The following TOLLIP variants were observed in gnomAD, a reference collection of about 807,000 sequenced individuals.
TOLLIP encodes the protein toll-interacting protein.
Under a neutral mutation model 33.5 loss-of-function variants are expected in TOLLIP, and 16 were observed. The ratio of observed to expected loss-of-function variants is 0.48; its 90% CI spans 0.32 to 0.72. The LOEUF (loss-of-function observed/expected upper bound fraction) is 0.72. Ranked by LOEUF, TOLLIP falls within the 30% of genes least tolerant of loss-of-function variation. The probability of loss-of-function intolerance (pLI) is 0.03; values close to 1 mark genes in which losing one functional copy is unlikely to be tolerated. For synonymous variants in TOLLIP, 176 were observed against 163.7 expected, an observed-to-expected ratio of 1.07 and a Z score of -0.57; for missense variants, 325 against 396.6, an observed-to-expected ratio of 0.82 and a Z score of 1.53.
chr11:1,301,717 C>T (rs569473532), intron 1 of TOLLIP, among the ~76,000 whole-genome samples: 1 of 152,204 alleles, frequency 6.6e-6, no homozygotes, highest in Non-Finnish European at 1.5e-5. Flanking sequence ...AACTCTGTAC[C>T]CTGAGCCCTA....
chr11:1,288,717 C>G lies in TOLLIP; in HGVS notation c.426G>C (p.Leu142=), dbSNP rs1315917340. 1 of 1,613,004 alleles carries G rather than the reference C, an allele frequency of 6.2e-7. No homozygotes were observed. ...ACTTGTCCTCCACCTTGCCCTGCCT[C>G]AGGGACTCCGGGATGGTGATGTGGG... is the stretch of plus-strand genomic sequence containing the variant. The part of the protein sequence containing the change: ...AWTHITIPES[L]RQGKVEDKWY... The change falls in exon 4 of 6, where the codon CTG becomes CTC. Residue 142 remains leucine, a synonymous_variant. Transcript: ENST00000317204.
At chr11:1,285,773 A>G (rs913800467) in intron 5 of TOLLIP, among the ~76,000 whole-genome samples, 3 of 138,834 alleles carry the variant, frequency 2.2e-5, no homozygotes, top group Admixed American at 7.0e-5. Flanking sequence ...CAACAATTAG[A>G]AAAAAAAAAA....
chr11:1,297,448 G>C (rs888050942), intron 1 of TOLLIP, among the ~76,000 whole-genome samples: 1 of 152,220 alleles, frequency 6.6e-6, no homozygotes, highest in Non-Finnish European at 1.5e-5. Flanking sequence ...GCACCGCTTC[G>C]AGCAGTTACG....
chr11:1,276,561 G>T lies in TOLLIP; in HGVS notation c.*478C>A, dbSNP rs186644202. 1.2e-6 allele frequency: 1 copy of T among 868,754 alleles called. No homozygotes were observed. The highest frequency in any genetic ancestry group is 1.6e-6 in the Non-Finnish European group (1 of 626,830). The allele number at this position is 868,754 out of a possible 1,614,324, so 53.8% of individuals were successfully genotyped here. On this transcript the variant is annotated 3_prime_UTR_variant, in exon 6 of 6. Transcript: ENST00000317204. ...AGGGGCCAGGCTCACAGCAAAGCGC[G>T]TTAGGGCAAGGGCGTGAGTTTTCGT...
At position 1,288,693 on chromosome 11, in the gene TOLLIP, C is replaced by G; in HGVS notation, c.450G>C (p.Lys150Asn). 1 of 1,612,984 alleles carries G rather than the reference C, an allele frequency of 6.2e-7. No individual in the cohort carries two copies. The highest frequency in any genetic ancestry group is 1.1e-5 in the South Asian group (1 of 91,086). The change falls in exon 4 of 6, where the codon AAG (lysine) becomes AAC (asparagine). Residue 150 changes from lysine (K) to asparagine (N), a missense_variant. Coordinates refer to ENST00000317204, the MANE Select transcript of TOLLIP (RefSeq NM_019009.4). ...ESLRQGKVED[K>N]WYSLSGRQGD... ...CCTGCCTCCCGCTCAGGCTGTACCA[C>G]TTGTCCTCCACCTTGCCCTGCCTCA...
intron 5 of TOLLIP, among the ~76,000 whole-genome samples, chr11:1,283,078 G>C (rs965788192): frequency 1.3e-5 from 2 of 152,232 alleles, no homozygotes; most frequent in African/African-American, 4.8e-5. Context: ...TTAGTTCCCG[G>C]GGAACAGCCA....
intron 1 of TOLLIP, among the ~76,000 whole-genome samples, chr11:1,308,112 G>A (rs1864466384): frequency 6.6e-6 from 1 of 152,206 alleles, no homozygotes; most frequent in South Asian, 2.1e-4. Flanking sequence ...ACGACAGCCT[G>A]CCCCAGCCCA....
chr11:1,285,899 G>T, intron 5 of TOLLIP, 103 bp downstream of exon 5: 1 of 789,752 alleles, frequency 1.3e-6, no homozygotes, highest in Non-Finnish European at 2.0e-6. Context: ...AATGGATGAC[G>T]TCCCCACCCC....
At chr11:1,296,467 G>A (rs1436606133) in intron 1 of TOLLIP, among the ~76,000 whole-genome samples, 8 of 152,232 alleles carry the variant, frequency 5.3e-5, no homozygotes, top group Admixed American at 4.6e-4. Flanking sequence ...TGCAGCGGCC[G>A]AAGGGGCCTG....
chr11:1,282,979 C>T (rs1278327057), intron 5 of TOLLIP, among the ~76,000 whole-genome samples: 1 of 152,042 alleles, frequency 6.6e-6, no homozygotes. Context: ...ATTGTAAATC[C>T]ACATTGCTGG....
At chr11:1,284,500 C>T (rs890218759) in intron 5 of TOLLIP, among the ~76,000 whole-genome samples, 1 of 152,172 alleles carries the variant, frequency 6.6e-6, no homozygotes, top group Non-Finnish European at 1.5e-5. Flanking sequence ...AGGCGCCCAC[C>T]ACCGCGCCCG....
intron 4 of TOLLIP, among the ~76,000 whole-genome samples, chr11:1,286,381 C>T (rs907889086): frequency 1.3e-5 from 2 of 152,208 alleles, no homozygotes; most frequent in Admixed American, 6.5e-5. Flanking sequence ...AGGGACATCC[C>T]AGTGTAGGTG....
chr11:1,306,564 G>A (rs1864428743), intron 1 of TOLLIP, among the ~76,000 whole-genome samples: 3 of 152,244 alleles, frequency 2.0e-5, no homozygotes, highest in Admixed American at 2.0e-4. Flanking sequence ...GATAAATACT[G>A]TGTCAAGACA....
chr11:1,283,497 G>T (rs780637471), intron 5 of TOLLIP: 1 of 454,742 alleles, frequency 2.2e-6, no homozygotes, highest in South Asian at 1.6e-5. Context: ...GGCTCCGGTG[G>T]GGCGTCAGGT....
intron 1 of TOLLIP, 44 bp from the exon 2 acceptor site, chr11:1,295,838 G>A (rs1302934554): frequency 6.0e-6 from 9 of 1,506,098 alleles, no homozygotes; most frequent in African/African-American, 1.4e-5. Flanking sequence ...CAGGGTGGGG[G>A]CACAAAGCAG....
chr11:1,302,565 C>A, intron 1 of TOLLIP: 1 of 985,964 alleles, frequency 1.0e-6, no homozygotes, highest in Non-Finnish European at 1.2e-6. Flanking sequence ...GCACCAGCAT[C>A]CAAAAGCTGG....
At chr11:1,308,094 T>G (rs979394912) in intron 1 of TOLLIP, among the ~76,000 whole-genome samples, 3 of 152,214 alleles carry the variant, frequency 2.0e-5, no homozygotes, top group African/African-American at 7.2e-5. Context: ...ATAAAAACTG[T>G]ACCGCTCACG....
At chr11:1,304,692 A>G (rs576511076) in intron 1 of TOLLIP, among the ~76,000 whole-genome samples, 3 of 152,216 alleles carry the variant, frequency 2.0e-5, no homozygotes, top group African/African-American at 7.2e-5. Flanking sequence ...GCATGTTACC[A>G]TTTCCAGGGG....
intron 3 of TOLLIP, among the ~76,000 whole-genome samples, chr11:1,289,552 A>G (rs888101929): frequency 6.6e-6 from 1 of 152,256 alleles, no homozygotes; most frequent in East Asian, 1.9e-4. Context: ...CCCAGTAGGC[A>G]GCCGCACTCT....
Sources: allele counts gnomAD v4.1 joint callset (sites outside exome capture counted in the v4.1 genomes callset), GRCh38; gene constraint gnomAD v4.1.1; transcripts MANE v1.5; gene names NCBI Gene and HGNC (gene_info 2026-07-23, HGNC 2026-07-21).